ACOT9: variants seen among roughly 807,000 people sequenced by gnomAD.
ACOT9 encodes acyl-CoA thioesterase 9, also known as acyl-coenzyme A thioesterase 9, mitochondrial.
In ACOT9, 34 loss-of-function variants were observed where a neutral mutation model predicts 39.7. The ratio of observed to expected loss-of-function variants is 0.86; its 90% confidence interval spans 0.65 to 1.14. The LOEUF (loss-of-function observed/expected upper bound fraction) is 1.14. Ranked by LOEUF, ACOT9 falls within the 50% of genes most tolerant of loss-of-function variation. ACOT9 has a pLI of 0.00. For synonymous variants in ACOT9, 110 were observed against 120.5 expected (o/e 0.91, Z 0.57); for missense variants, 313 against 344.1 (o/e 0.91, Z 0.71).
intron 9 of ACOT9, among the ~76,000 whole-genome samples, chrX:23,708,888 G>A (rs749376458): frequency 8.9e-6 from 1 of 112,006 alleles, no homozygotes; most frequent in South Asian, 3.7e-4. Flanking sequence ...ATGATTCATG[G>A]GAAAAAATAT....
chrX:23,712,241 C>T (rs1362189504), intron 9 of ACOT9, among the ~76,000 whole-genome samples: 2 of 107,473 alleles, frequency 1.9e-5, no homozygotes, highest in African/African-American at 3.4e-5. Flanking sequence ...CCCATCTCTA[C>T]TAAAAATACA....
At chrX:23,735,088 C>T (rs780301737) in intron 2 of ACOT9, among the ~76,000 whole-genome samples, 2 of 104,488 alleles carry the variant, frequency 1.9e-5, no homozygotes, top group Admixed American at 1.1e-4. Flanking sequence ...GCCTGGCCAA[C>T]GTGGCGAAAC....
chrX:23,740,911 A>G (rs1930121984), intron 1 of ACOT9, among the ~76,000 whole-genome samples: 2 of 109,865 alleles, frequency 1.8e-5, no homozygotes, highest in African/African-American at 6.6e-5. Context: ...AGGCCTTTGC[A>G]ACACTCAAAT....
In ACOT9 at chrX:23,730,603, T is replaced by C. The variant is rs12394037; in HGVS notation, c.363-39A>G. 22,695 of 1,150,698 alleles carry C rather than the reference T, an allele frequency of 0.02. 2,564 individuals carry two copies. In the African/African-American group the frequency reaches 0.34, roughly 17 times the overall value. 94.8% of individuals were successfully genotyped at this position (1,150,698 alleles called of 1,213,427 possible). ...CAAACAGTGAATTAAATGCAAATCA[T>C]GTTGGTCTCCCTTTAAAAATAAATA... On this transcript the variant is annotated intron_variant, in intron 5 of 15. Coordinates refer to ENST00000379303, the MANE Select transcript of ACOT9 (RefSeq NM_001037171.2).
intron 6 of ACOT9, among the ~76,000 whole-genome samples, chrX:23,725,589 G>A (rs1353781759): frequency 1.8e-5 from 2 of 110,395 alleles, no homozygotes; most frequent in African/African-American, 6.6e-5. Flanking sequence ...AGGCCGAGGT[G>A]GGGGGATCCC....
chrX:23,730,462 T>C, intron 6 of ACOT9, 65 bp downstream of exon 6: 1 of 870,823 alleles, frequency 1.1e-6, no homozygotes, highest in Non-Finnish European at 1.7e-6. Flanking sequence ...AAGAGCCCTT[T>C]CCAGTCACAG....
In ACOT9 at chrX:23,701,756, T is replaced by C. The variant is rs1161106574; in HGVS notation, c.*2138A>G. 9.0e-6 allele frequency among the ~76,000 whole-genome samples: 1 copy of C among 111,341 alleles called. No individual in the cohort carries two copies. Among genetic ancestry groups the C allele is most frequent in the African/African-American group, 3.3e-5 (1 of 30,722 alleles). The stretch of plus-strand genomic sequence containing the variant: ...TACAGGCATGAGCCACCACTGTGCC[T>C]GGCCTAAAAATTTTTTGTTAAAAAT... On this transcript the variant is annotated 3_prime_UTR_variant, in exon 16 of 16. Coordinates refer to ENST00000379303, the MANE Select transcript of ACOT9 (RefSeq NM_001037171.2).
At chrX:23,719,545 A>G (rs1386442276) in intron 8 of ACOT9, among the ~76,000 whole-genome samples, 1 of 96,238 alleles carries the variant, frequency 1.0e-5, no homozygotes, top group African/African-American at 3.8e-5. Context: ...TGTGGTATAC[A>G]ATTTTTCCAC....
chrX:23,739,242 A>G (rs926750036), intron 1 of ACOT9, among the ~76,000 whole-genome samples: 1 of 109,992 alleles, frequency 9.1e-6, no homozygotes, highest in Non-Finnish European at 1.9e-5. Context: ...CTCTGTCTCA[A>G]AAAAAAAAGA....
At chrX:23,715,845 C>T (rs1019868454) in intron 8 of ACOT9, among the ~76,000 whole-genome samples, 5 of 111,983 alleles carry the variant, frequency 4.5e-5, no homozygotes, top group African/African-American at 1.6e-4. Context: ...AGGTTCTAGG[C>T]ACTACTAGAA....
chrX:23,742,236 G>GAGAGAGAGAGAGAGAGAGAGAGAGAC (rs1491468359), intron 1 of ACOT9, among the ~76,000 whole-genome samples: 1 of 60,573 alleles, frequency 1.7e-5, no homozygotes, highest in Non-Finnish European at 2.8e-5. Context: ...GAGAGAGAGA[G>GAGAGAGAGAGAGAGAGAGAGAGAGAC]GGAGAGAGAG....
intron 1 of ACOT9, among the ~76,000 whole-genome samples, chrX:23,742,252 GAGAGAT>G (rs1920980163): frequency 3.2e-5 from 2 of 61,795 alleles, no homozygotes; most frequent in African/African-American, 1.6e-4. Context: ...GAGAGAGAGA[GAGAGAT>G]ATCCAGGACC....
intron 4 of ACOT9, among the ~76,000 whole-genome samples, chrX:23,731,958 T>C (rs921431266): frequency 2.7e-5 from 3 of 112,121 alleles, no homozygotes; most frequent in East Asian, 2.8e-4. Context: ...GCTTAACTTA[T>C]AAAGTATTAT....
chrX:23,712,506 GTTTT>G (rs752807307), intron 9 of ACOT9, among the ~76,000 whole-genome samples: 1 of 107,319 alleles, frequency 9.3e-6, no homozygotes, highest in African/African-American at 3.4e-5. Flanking sequence ...CTGTAAGTCT[GTTTT>G]TTTTTGATAA....
At chrX:23,706,960 A>G in intron 10 of ACOT9, 1 of 299,817 alleles carries the variant, frequency 3.3e-6, no homozygotes, top group Non-Finnish European at 5.8e-6. Flanking sequence ...CAGAGCCCTG[A>G]CCTGCAGTTA....
intron 1 of ACOT9, among the ~76,000 whole-genome samples, chrX:23,738,552 G>A (rs917677352): frequency 7.2e-5 from 8 of 111,145 alleles, no homozygotes; most frequent in Admixed American, 5.8e-4. Context: ...GTTGCAGTGA[G>A]CTGAAATGGC....
At chrX:23,721,256 A>G (rs1023411834) in intron 8 of ACOT9, among the ~76,000 whole-genome samples, 6 of 109,637 alleles carry the variant, frequency 5.5e-5, no homozygotes, top group African/African-American at 2.0e-4. Context: ...AAGCCTGGCT[A>G]ATTTTTGTAT....
chrX:23,736,446 T>C (rs58109010), intron 1 of ACOT9, among the ~76,000 whole-genome samples: 7,810 of 111,929 alleles, frequency 0.07, 391 homozygotes, highest in East Asian at 0.24. Context: ...ACTTTGAAAA[T>C]TGAATTAGCC....
intron 10 of ACOT9, 27 bp from the exon 11 acceptor site, chrX:23,706,766 T>C (rs375253099): frequency 6.1e-6 from 6 of 978,972 alleles, no homozygotes; most frequent in Non-Finnish European, 7.1e-6. Context: ...TAAGGAGCAA[T>C]GATCAGGACG....
Sources: gnomAD v4.1 joint callset for allele counts (sites outside exome capture counted in the v4.1 genomes callset) on GRCh38, gnomAD v4.1.1 for gene constraint, MANE v1.5 for transcripts, NCBI Gene and HGNC (gene_info 2026-07-23, HGNC 2026-07-21) for gene names.